Variants in KIF18A observed in about 807,000 individuals in gnomAD.
KIF18A encodes kinesin-like protein KIF18A.
KIF18A carries 67 observed loss-of-function variants against 103.3 expected under a neutral mutation model. That is an observed-to-expected ratio of 0.65 (90% CI 0.53 to 0.79). The LOEUF (loss-of-function observed/expected upper bound fraction) is 0.79. KIF18A is among the 30% of genes least tolerant of loss of function. The pLI is 0.00. For synonymous variants in KIF18A, 367 were observed against 355.5 expected (o/e 1.03, Z -0.36); for missense variants, 1,032 against 1,062.5 (o/e 0.97, Z 0.40).
Position 28,023,852 on chromosome 11 carries a change from T to G in KIF18A, c.2505-2A>C. The G allele has an allele frequency of 6.3e-7, 1 of 1,586,554 alleles. No individual in the cohort carries two copies. Among genetic ancestry groups the G allele is most frequent in the Admixed American group, 1.7e-5 (1 of 58,422 alleles). ...GTTAACGAACTGTTTGATGTAGAAC[T>G]TGAGAGGAAAAGTTTTTAATTTAGT... On this transcript the variant is annotated splice_acceptor_variant, in intron 15 of 16. Transcript: ENST00000263181. LOFTEE classifies it high-confidence loss of function.
chr11:28,028,104 A>G (rs1368548851), intron 15 of KIF18A, among the ~76,000 whole-genome samples: 1 of 152,078 alleles, frequency 6.6e-6, no homozygotes, highest in Non-Finnish European at 1.5e-5. Flanking sequence ...CCATATGATC[A>G]TTTCAATAGA....
At chr11:28,069,149 T>C (rs1486964570) in intron 11 of KIF18A, 110 bp downstream of exon 11, 2 of 787,100 alleles carry the variant, frequency 2.5e-6, no homozygotes, top group East Asian at 2.6e-5. Context: ...CTCAGAGTTA[T>C]GAGGCAATAA....
intron 9 of KIF18A, among the ~76,000 whole-genome samples, chr11:28,078,758 T>C (rs1350708812): frequency 6.6e-6 from 1 of 152,088 alleles, no homozygotes; most frequent in Non-Finnish European, 1.5e-5. Flanking sequence ...ATAGCTCTGA[T>C]AGACAGAAAA....
intron 13 of KIF18A, among the ~76,000 whole-genome samples, chr11:28,051,399 C>T (rs902352566): frequency 6.6e-6 from 1 of 151,652 alleles, no homozygotes; most frequent in Non-Finnish European, 1.5e-5. Context: ...ACTTACTGTA[C>T]AAAAAACACA....
At chr11:28,099,981 A>T (rs1483120278) in intron 1 of KIF18A, among the ~76,000 whole-genome samples, 1 of 152,176 alleles carries the variant, frequency 6.6e-6, no homozygotes, top group South Asian at 2.1e-4. Flanking sequence ...TAGTGGCAGC[A>T]GAGGTGGTAA....
chr11:28,038,982 G>T (rs763788523), intron 13 of KIF18A, among the ~76,000 whole-genome samples: 4 of 151,602 alleles, frequency 2.6e-5, no homozygotes, highest in Non-Finnish European at 5.9e-5. Flanking sequence ...GGCAGCAGGG[G>T]TATAGGGGAT....
intron 11 of KIF18A, among the ~76,000 whole-genome samples, chr11:28,066,828 A>G (rs1850936257): frequency 7.5e-6 from 1 of 133,504 alleles, no homozygotes; most frequent in Non-Finnish European, 1.6e-5. Context: ...ATTATATTAT[A>G]TTATATGATG....
At chr11:28,058,662 C>CAAAAAAAAAAAAAAAAAAAAAAAA (rs58273868) in intron 13 of KIF18A, among the ~76,000 whole-genome samples, 1 of 64,450 alleles carries the variant, frequency 1.6e-5, no homozygotes, top group African/African-American at 5.5e-5. Context: ...ACCCTGTCAC[C>CAAAAAAAAAAAAAAAAAAAAAAAA]AAAAAAAAAA....
intron 16 of KIF18A, among the ~76,000 whole-genome samples, chr11:28,023,518 A>C (rs1850272245): frequency 6.6e-6 from 1 of 152,166 alleles, no homozygotes; most frequent in Non-Finnish European, 1.5e-5. Context: ...CTGGTTCTTG[A>C]GTTTTGGCTC....
chr11:28,062,618 T>G, intron 11 of KIF18A, 102 bp from the exon 12 acceptor site: 1 of 849,468 alleles, frequency 1.2e-6, no homozygotes, highest in Non-Finnish European at 1.6e-6. Flanking sequence ...TAATTCTTTT[T>G]AGATATTAAA....
At chr11:28,047,931 T>A (rs1283501504) in intron 13 of KIF18A, among the ~76,000 whole-genome samples, 4 of 152,160 alleles carry the variant, frequency 2.6e-5, no homozygotes, top group Non-Finnish European at 5.9e-5. Context: ...AAAATACATG[T>A]AACACATTTG....
At chr11:28,093,392 C>G (rs1438607194) in intron 3 of KIF18A, among the ~76,000 whole-genome samples, 1 of 152,076 alleles carries the variant, frequency 6.6e-6, no homozygotes, top group African/African-American at 2.4e-5. Flanking sequence ...AGGGACCAAA[C>G]TACAAGATGT....
chr11:28,041,687 A>T (rs1850562968), intron 13 of KIF18A, among the ~76,000 whole-genome samples: 1 of 151,892 alleles, frequency 6.6e-6, no homozygotes, highest in South Asian at 2.1e-4. Context: ...GAGAGAAAAC[A>T]GAAAAATCGG....
Position 28,062,476 on chromosome 11 carries a change from T to G in KIF18A, c.1631A>C (p.Gln544Pro). The G allele has an allele frequency of 6.2e-7, 1 of 1,611,858 alleles. No homozygotes were observed. The highest frequency in any genetic ancestry group is 8.5e-7 in the Non-Finnish European group (1 of 1,178,618). Residue 544 changes from glutamine (Q) to proline (P), a missense_variant, in exon 12 of 17, where the codon CAG (glutamine) becomes CCG (proline). By Grantham distance (76) the Gln-to-Pro change is moderately conservative (BLOSUM62 -1). Transcript: ENST00000263181. ...AATTTGTGCTTTCAAATCTTTGTTC[T>G]GGAGGTGCAAATGGTGACAATGAAG... ...KDLHCHHLHL[Q>P]NKDLKAQIRH...
At chr11:28,101,651 T>C (rs1176133124) in intron 1 of KIF18A, among the ~76,000 whole-genome samples, 3 of 152,208 alleles carry the variant, frequency 2.0e-5, no homozygotes, top group Non-Finnish European at 2.9e-5. Flanking sequence ...GTACAGAGTA[T>C]GAACTACAAG....
chr11:28,074,524 C>T (rs1851064257), intron 10 of KIF18A, among the ~76,000 whole-genome samples: 1 of 152,100 alleles, frequency 6.6e-6, no homozygotes, highest in Admixed American at 6.6e-5. Flanking sequence ...AAAGCACACA[C>T]TCAATAAATA....
chr11:28,023,700 G>C (rs762246509), intron 16 of KIF18A, 41 bp downstream of exon 16: 1 of 1,114,142 alleles, frequency 9.0e-7, no homozygotes, highest in Non-Finnish European at 1.4e-6. Flanking sequence ...GTGTGTTACA[G>C]AGTCATACCA....
intron 2 of KIF18A, among the ~76,000 whole-genome samples, chr11:28,095,267 ATACT>A (rs567923362): frequency 2.5e-4 from 38 of 152,244 alleles, no homozygotes; most frequent in South Asian, 6.2e-4. Flanking sequence ...TGATCTAGGG[ATACT>A]TAATTATTCA....
At chr11:28,076,384 G>A (rs542340631) in intron 10 of KIF18A, 2 of 152,250 alleles carry the variant, frequency 1.3e-5, no homozygotes, top group South Asian at 2.1e-4. Flanking sequence ...TCTACCTTTA[G>A]TAACTGGCTA....
Sources: allele counts gnomAD v4.1 joint callset (sites outside exome capture counted in the v4.1 genomes callset), GRCh38; gene constraint gnomAD v4.1.1; transcripts MANE v1.5; gene names NCBI Gene and HGNC (gene_info 2026-07-23, HGNC 2026-07-21).